The following ZNF347 variants were observed in gnomAD, a reference collection of about 807,000 sequenced individuals.
ZNF347 encodes CTD-2620I22.7.
ZNF347 carries 19 observed loss-of-function variants against 12.9 expected under a neutral mutation model. The ratio of observed to expected loss-of-function variants is 1.47; its 90% CI spans 1.03 to 2.16. The LOEUF (loss-of-function observed/expected upper bound fraction) is 2.16. ZNF347 is among the 30% of genes most tolerant of loss of function. The probability of loss-of-function intolerance (pLI) is 0.00; values close to 1 mark genes in which losing one functional copy is unlikely to be tolerated. For missense variants in ZNF347, 1,005 were observed against 990.6 expected, an observed-to-expected ratio of 1.01 and a Z score of -0.19; for synonymous variants, 328 against 340.6, an observed-to-expected ratio of 0.96 and a Z score of 0.41.
chr19:53,148,520 C>G (rs1381800170), intron 4 of ZNF347, among the ~76,000 whole-genome samples, 161 bp downstream of exon 4: 1 of 152,186 alleles, frequency 6.6e-6, no homozygotes, highest in Non-Finnish European at 1.5e-5. Flanking sequence ...AAAGGATAAA[C>G]TAGTACAAGT....
intron 4 of ZNF347, 67 bp downstream of exon 4, chr19:53,148,614 G>T: frequency 3.9e-6 from 6 of 1,520,426 alleles, no homozygotes; most frequent in Non-Finnish European, 5.3e-6. Flanking sequence ...AGAACTCTCA[G>T]ATTTGCATAG....
chr19:53,142,114 A>T lies in ZNF347; in HGVS notation c.714T>A (p.Tyr238Ter), dbSNP rs1301372329. The T allele has an allele frequency of 3.7e-6, 6 of 1,612,898 alleles. No individual in the cohort carries two copies. Among genetic ancestry groups the T allele is most frequent in the Non-Finnish European group, 5.1e-6 (6 of 1,179,714 alleles). The stretch of plus-strand genomic sequence containing the variant: ...ATAAAGAAGAGATAAAATCTTTGAG[A>T]TATTTCTTAGAAATGTGGGTTTTGA... Reference protein sequence around the residue: ...YNVKTHISKKYLKDFISSLLL... With the variant: ...YNVKTHISKK The change falls in exon 5 of 5, where the codon TAT becomes TAA. Residue 238 changes from tyrosine to a stop codon, truncating the protein, a stop_gained. Transcript: ENST00000334197. LOFTEE classifies it low-confidence loss of function (END_TRUNC).
chr19:53,147,734 T>C (rs181658342), intron 4 of ZNF347, among the ~76,000 whole-genome samples: 152 of 152,164 alleles, frequency 1.0e-3, no homozygotes, highest in African/African-American at 3.4e-3. Context: ...AAGAAAACTA[T>C]AGGCCACTAC....
Position 53,153,771 on chromosome 19 carries a change from T to C in ZNF347, c.-24A>G. On this transcript the variant is annotated 5_prime_UTR_variant, in exon 2 of 5. Coordinates refer to ENST00000334197, the MANE Select transcript of ZNF347 (RefSeq NM_032584.3). ...ATGCCTGACTTGTCTTTCTTTCCTC[T>C]TCCTCTTCTTCAAGGGTTCTTCCTT... 1.2e-6 allele frequency: 2 copies of C among 1,614,074 alleles called. No homozygotes were observed. The highest frequency in any genetic ancestry group is 1.7e-6 in the Non-Finnish European group (2 of 1,179,932).
At chr19:53,144,275 G>A (rs931729265) in intron 4 of ZNF347, among the ~76,000 whole-genome samples, 1 of 152,092 alleles carries the variant, frequency 6.6e-6, no homozygotes, top group Non-Finnish European at 1.5e-5. Context: ...CAAAAAGTGA[G>A]GGGATGGAAA....
intron 4 of ZNF347, among the ~76,000 whole-genome samples, chr19:53,143,835 G>T (rs989464472): frequency 2.6e-5 from 4 of 152,094 alleles, no homozygotes; most frequent in Admixed American, 2.6e-4. Flanking sequence ...CTAGTTTACA[G>T]TCCCACCAAC....
At position 53,140,229 on chromosome 19, in the gene ZNF347, G is replaced by A; in HGVS notation, c.*79C>T. ...ATTGCATTTTCAAGGAATCTCTCAG[G>A]CATAAATTCTCTGACGTTGTCAAAG... is the stretch of plus-strand genomic sequence containing the variant. On this transcript the variant is annotated 3_prime_UTR_variant, in exon 5 of 5. Transcript: ENST00000334197. 7.5e-7 allele frequency: 1 copy of A among 1,331,624 alleles called. No homozygotes were observed. Among genetic ancestry groups the A allele is most frequent in the Non-Finnish European group, 1.0e-6 (1 of 968,550 alleles). 82.5% of individuals were successfully genotyped at this position (1,331,624 alleles called of 1,614,324 possible).
rs1198652771 is a variant in ZNF347 at position 53,141,868 on chromosome 19, A to G, written c.960T>C (p.Asn320=). ...TTCGACTAAAGACCTTACCACACTC[A>G]TTACATTTGTAACGTTTTTCGCCAG... is the stretch of plus-strand genomic sequence containing the variant. ...IHTGEKRYKC[N]ECGKVFSRNS... Residue 320 remains asparagine, a synonymous_variant, in exon 5 of 5, where the codon AAT becomes AAC. Transcript: ENST00000334197. The G allele has an allele frequency of 5.0e-6, 8 of 1,613,950 alleles. No homozygotes were observed. The highest frequency in any genetic ancestry group is 6.8e-6 in the Non-Finnish European group (8 of 1,179,988).
At position 53,148,774 on chromosome 19, in the gene ZNF347, A is replaced by G; in HGVS notation, c.178T>C (p.Leu60=). 1.9e-6 allele frequency: 3 copies of G among 1,614,094 alleles called. No homozygotes were observed. The highest frequency in any genetic ancestry group is 2.5e-6 in the Non-Finnish European group (3 of 1,179,986). The change falls in exon 4 of 5, where the codon TTG becomes CTG. Residue 60 remains leucine (L), a synonymous_variant. Transcript: ENST00000334197. ...SCFDLSIISM[L]EQGKEPFTLE... ...GTGAAAGGCTCCTTCCCTTGCTCCA[A>G]CATAGAGATAATACTGAGGTCAAAA...
In ZNF347 at chr19:53,138,429, A is replaced by G. The variant is rs1429171806; in HGVS notation, c.*1879T>C. 1 of 152,094 alleles carries G rather than the reference A, an allele frequency of 6.6e-6. No individual in the cohort carries two copies. The highest frequency in any genetic ancestry group is 1.5e-5 in the Non-Finnish European group (1 of 68,026). The allele number at this position is 152,094 out of a possible 1,614,324, so 9.4% of individuals were successfully genotyped here. A position where few individuals can be genotyped will look rare whatever the true frequency, so the allele number is the denominator to read the frequency against. Reference sequence around the variant, plus strand: ...ACCACACCCAGCCCATACACTTTCTATATTTGTATTTTCACTTCATGTAAA... The same window carrying G: ...ACCACACCCAGCCCATACACTTTCTGTATTTGTATTTTCACTTCATGTAAA... On this transcript the variant is annotated 3_prime_UTR_variant, in exon 5 of 5. Coordinates refer to ENST00000334197, the MANE Select transcript of ZNF347 (RefSeq NM_032584.3).
chr19:53,153,012 T>C (rs955079770), intron 2 of ZNF347, among the ~76,000 whole-genome samples: 3 of 152,204 alleles, frequency 2.0e-5, no homozygotes, highest in African/African-American at 7.2e-5. Flanking sequence ...TCTGCTCCTA[T>C]AACCGAACAA....
In ZNF347 at chr19:53,136,339, G is replaced by C. The variant is rs1018500090; in HGVS notation, c.*3969C>G. 1 of 151,678 alleles carries C rather than the reference G, an allele frequency of 6.6e-6. No individual in the cohort carries two copies. The highest frequency in any genetic ancestry group is 6.6e-5 in the Admixed American group (1 of 15,184). The allele number at this position is 151,678 out of a possible 1,614,324, so 9.4% of individuals were successfully genotyped here. ...ACACCCTCATTTATGTATTTTCTAA[G>C]TGTTCACTGGAGTAACACAGAGAAG... On this transcript the variant is annotated 3_prime_UTR_variant, in exon 5 of 5. Coordinates refer to ENST00000334197, the MANE Select transcript of ZNF347 (RefSeq NM_032584.3).
At chr19:53,152,017 C>T (rs1223472949) in intron 2 of ZNF347, among the ~76,000 whole-genome samples, 4 of 140,078 alleles carry the variant, frequency 2.9e-5, no homozygotes, top group Admixed American at 1.6e-4. Context: ...CGCTTGAACC[C>T]GGGAGGCAGA....
chr19:53,149,162 G>T, intron 3 of ZNF347, 79 bp downstream of exon 3: 5 of 1,581,224 alleles, frequency 3.2e-6, no homozygotes, highest in Non-Finnish European at 4.3e-6. Context: ...AGCAATGCAT[G>T]AGCTCCCAGG....
intron 2 of ZNF347, among the ~76,000 whole-genome samples, chr19:53,149,695 G>C (rs2090485576): frequency 2.6e-5 from 4 of 152,116 alleles, no homozygotes; most frequent in Admixed American, 2.6e-4. Flanking sequence ...TACCCTGAGG[G>C]GATGGGGGCT....
In ZNF347 at chr19:53,140,992, A is replaced by G. The variant is rs1275243536; in HGVS notation, c.1836T>C (p.Leu612=). The G allele has an allele frequency of 1.2e-6, 2 of 1,613,532 alleles. No homozygotes were observed. The highest frequency in any genetic ancestry group is 2.7e-5 in the African/African-American group (2 of 74,722). Residue 612 remains leucine, a synonymous_variant, in exon 5 of 5, where the codon CTT becomes CTC. Transcript: ENST00000334197. ...CGKVFRHNSY[L]SRHQRIHTGE... Reference sequence around the variant, plus strand: ...CAGTATGAATTCGCTGATGCCTTGAAAGGTATGAATTATGCCTAAAGACCT... The same window carrying G: ...CAGTATGAATTCGCTGATGCCTTGAGAGGTATGAATTATGCCTAAAGACCT...
Position 53,153,736 on chromosome 19 carries a change from G to A in ZNF347, c.12C>T (p.Thr4=). 1 of 1,613,872 alleles carries A rather than the reference G, an allele frequency of 6.2e-7. No homozygotes were observed. Among genetic ancestry groups the A allele is most frequent in the Non-Finnish European group, 8.5e-7 (1 of 1,179,782 alleles). The change falls in exon 2 of 5, where the codon ACC becomes ACT. Residue 4 remains threonine (T), a synonymous_variant. Transcript: ENST00000334197. ...TCCACTGATAATATTACCTTACCTG[G>A]GTGAGAGCCATGCCTGACTTGTCTT... MAL[T]QGQVTFRDVA... is the part of the protein sequence containing the mutation.
At chr19:53,143,804 C>G (rs899482131) in intron 4 of ZNF347, among the ~76,000 whole-genome samples, 2 of 152,134 alleles carry the variant, frequency 1.3e-5, no homozygotes, top group Non-Finnish European at 2.9e-5. Context: ...AATCGCCACA[C>G]TGACTTCCAC....
At chr19:53,147,227 C>G (rs1481148805) in intron 4 of ZNF347, among the ~76,000 whole-genome samples, 2 of 151,748 alleles carry the variant, frequency 1.3e-5, no homozygotes, top group African/African-American at 4.8e-5. Flanking sequence ...ATACAAAAAT[C>G]AGCCAAGTGT....
Sources: allele counts gnomAD v4.1 joint callset (sites outside exome capture counted in the v4.1 genomes callset), GRCh38; gene constraint gnomAD v4.1.1; transcripts MANE v1.5; gene names NCBI Gene and HGNC (gene_info 2026-07-23, HGNC 2026-07-21).